Variants in PCDH15 observed in about 807,000 individuals in gnomAD.
PCDH15 encodes protocadherin related 15.
Under a neutral mutation model 178.5 loss-of-function variants are expected in PCDH15, and 129 were observed. The observed-to-expected ratio is 0.72, with a 90% CI of 0.63 to 0.84. The LOEUF (loss-of-function observed/expected upper bound fraction) is 0.84. PCDH15 is among the 40% of genes least tolerant of loss of function. The pLI, the probability that PCDH15 is intolerant of heterozygous loss-of-function variation, is 0.00. For synonymous variants in PCDH15, 800 were observed against 732.0 expected, an observed-to-expected ratio of 1.09 and a Z score of -1.50; for missense variants, 2,230 against 2,099.9, an observed-to-expected ratio of 1.06 and a Z score of -1.21.
intron 2 of PCDH15, among the ~76,000 whole-genome samples, chr10:55,470,140 C>A (rs1446818432): frequency 6.6e-6 from 1 of 152,002 alleles, no homozygotes; most frequent in East Asian, 1.9e-4. Flanking sequence ...CTCTTGAGGT[C>A]AGGAGTTCGA....
chr10:54,635,693 T>C (rs2093833989), intron 2 of PCDH15, among the ~76,000 whole-genome samples: 1 of 151,878 alleles, frequency 6.6e-6, no homozygotes, highest in African/African-American at 2.4e-5. Context: ...AATTATATAT[T>C]GTTATTCACT....
intron 18 of PCDH15, among the ~76,000 whole-genome samples, chr10:54,038,150 C>T (rs561880850): frequency 6.6e-5 from 10 of 151,920 alleles, no homozygotes; most frequent in Non-Finnish European, 1.5e-4. Context: ...TCAGAAATCC[C>T]AATGAACTAA....
chr10:54,166,401 C>T (rs541418492), intron 13 of PCDH15, among the ~76,000 whole-genome samples: 1 of 152,240 alleles, frequency 6.6e-6, no homozygotes, highest in East Asian at 1.9e-4. Flanking sequence ...TAGTTTAGTA[C>T]GAATCACCTA....
At chr10:54,185,729 TCTTA>T (rs2048423703) in intron 11 of PCDH15, among the ~76,000 whole-genome samples, 3 of 152,184 alleles carry the variant, frequency 2.0e-5, no homozygotes, top group South Asian at 4.1e-4. Flanking sequence ...ACTATCTTGT[TCTTA>T]CTTATAATGC....
At chr10:53,930,927 T>C (rs2085006627) in intron 25 of PCDH15, among the ~76,000 whole-genome samples, 1 of 152,206 alleles carries the variant, frequency 6.6e-6, no homozygotes, top group African/African-American at 2.4e-5. Flanking sequence ...ACTCCTGGTG[T>C]TTCATTAACA....
intron 3 of PCDH15, among the ~76,000 whole-genome samples, chr10:54,843,156 A>C (rs972664011): frequency 6.6e-6 from 1 of 151,904 alleles, no homozygotes; most frequent in Non-Finnish European, 1.5e-5. Context: ...TTAATAAAGC[A>C]TTCTTTTCAT....
chr10:54,877,468 A>G (rs1954166811), intron 3 of PCDH15, among the ~76,000 whole-genome samples: 1 of 152,186 alleles, frequency 6.6e-6, no homozygotes, highest in South Asian at 2.1e-4. Flanking sequence ...GTTATTTTTA[A>G]CCAATTTACT....
chr10:54,481,015 T>C (rs1454993168), intron 3 of PCDH15, among the ~76,000 whole-genome samples: 1 of 151,876 alleles, frequency 6.6e-6, no homozygotes, highest in Non-Finnish European at 1.5e-5. Flanking sequence ...AAGAGATGTC[T>C]ATGTCCTTTC....
chr10:55,391,317 G>A (rs904512514), intron 2 of PCDH15, among the ~76,000 whole-genome samples: 6 of 151,304 alleles, frequency 4.0e-5, no homozygotes, highest in Non-Finnish European at 8.8e-5. Context: ...TCTCTCTCTG[G>A]CTTCATAGAA....
intron 1 of PCDH15, among the ~76,000 whole-genome samples, chr10:54,729,436 A>C (rs1003926563): frequency 6.6e-6 from 1 of 151,584 alleles, no homozygotes; most frequent in African/African-American, 2.4e-5. Flanking sequence ...TAAATGAAAA[A>C]CTTAAAACTA....
intron 2 of PCDH15, among the ~76,000 whole-genome samples, chr10:54,539,395 T>C (rs1199412391): frequency 3.3e-5 from 5 of 152,172 alleles, no homozygotes; most frequent in Admixed American, 1.3e-4. Flanking sequence ...GGGCATTACA[T>C]AATGATAAAG....
intron 2 of PCDH15, among the ~76,000 whole-genome samples, chr10:54,972,400 C>T (rs1285734574): frequency 1.3e-5 from 2 of 151,794 alleles, no homozygotes; most frequent in African/African-American, 4.8e-5. Context: ...ATTAGCCAGG[C>T]ATGGTGATAG....
intron 3 of PCDH15, among the ~76,000 whole-genome samples, chr10:54,460,452 A>G (rs568376290): frequency 6.6e-6 from 1 of 152,092 alleles, no homozygotes; most frequent in Non-Finnish European, 1.5e-5. Context: ...CAGAAAAAAT[A>G]TTTGGAGACA....
chr10:54,303,912 C>G (rs1361371859), intron 8 of PCDH15, among the ~76,000 whole-genome samples: 3 of 152,112 alleles, frequency 2.0e-5, no homozygotes, highest in African/African-American at 7.2e-5. Flanking sequence ...AACCATTCTA[C>G]ATTTCTCCTT....
intron 2 of PCDH15, among the ~76,000 whole-genome samples, chr10:55,065,710 T>C (rs894093754): frequency 6.6e-6 from 1 of 152,028 alleles, no homozygotes; most frequent in African/African-American, 2.4e-5. Flanking sequence ...ATTCTTAGTA[T>C]ACTGTTAATA....
chr10:55,261,755 A>G (rs1398093801), intron 1 of PCDH15, among the ~76,000 whole-genome samples: 1 of 152,204 alleles, frequency 6.6e-6, no homozygotes, highest in Non-Finnish European at 1.5e-5. Flanking sequence ...ATGGGTAATA[A>G]GTTTTTCTAA....
intron 2 of PCDH15, among the ~76,000 whole-genome samples, chr10:55,157,064 T>C (rs372343292): frequency 3.3e-5 from 5 of 152,276 alleles, no homozygotes; most frequent in Admixed American, 3.3e-4. Flanking sequence ...ATTTTAGTTA[T>C]GTTTTTATTA....
At chr10:55,337,598 T>C (rs1026240369) in intron 2 of PCDH15, among the ~76,000 whole-genome samples, 1 of 152,238 alleles carries the variant, frequency 6.6e-6, no homozygotes, top group African/African-American at 2.4e-5. Context: ...GGCATTCTGA[T>C]TCGGCAAAGT....
intron 18 of PCDH15, among the ~76,000 whole-genome samples, chr10:54,036,852 C>T (rs2093428623): frequency 6.6e-6 from 1 of 151,904 alleles, no homozygotes; most frequent in South Asian, 2.1e-4. Flanking sequence ...AAATGATTCA[C>T]CATTCTAGAT....
Sources: gnomAD v4.1 joint callset for allele counts (sites outside exome capture counted in the v4.1 genomes callset) on GRCh38, gnomAD v4.1.1 for gene constraint, MANE v1.5 for transcripts, NCBI Gene and HGNC (gene_info 2026-07-23, HGNC 2026-07-21) for gene names.